The following KMT5A variants were observed in gnomAD, a reference collection of about 807,000 sequenced individuals.
The protein encoded by KMT5A is lysine methyltransferase 5A, also known as N-lysine methyltransferase KMT5A.
KMT5A carries 6 observed loss-of-function variants against 40.6 expected under a neutral mutation model. The ratio of observed to expected loss-of-function variants is 0.15; its 90% CI spans 0.08 to 0.29. KMT5A has a LOEUF of 0.29. Among genes scored for constraint, KMT5A ranks in the 10% least tolerant of loss-of-function variants. The pLI, the probability that KMT5A is intolerant of heterozygous loss-of-function variation, is 1.00. For missense variants in KMT5A, 308 were observed against 459.1 expected (o/e 0.67, Z 3.01); for synonymous variants, 153 against 178.8 (o/e 0.86, Z 1.15).
intron 5 of KMT5A, among the ~76,000 whole-genome samples, chr12:123,402,358 C>T (rs1295768187): frequency 1.3e-5 from 2 of 152,202 alleles, no homozygotes; most frequent in Non-Finnish European, 2.9e-5. Flanking sequence ...TTGGGACTGT[C>T]CTTGAGGTTA....
rs77597057 is a variant in KMT5A at position 123,397,137 on chromosome 12, C to T, written c.597+705C>T. Among the ~76,000 whole-genome samples, 356 of 152,382 alleles carry T rather than the reference C, an allele frequency of 2.3e-3. 2 individuals are homozygous for T. Among genetic ancestry groups the T allele is most frequent in the African/African-American group, 8.2e-3 (339 of 41,590 alleles). Reference sequence around the variant, plus strand: ...GAGCCTGCAGACCAGTGAGCAGCACCGGCTGGAAGGCCAGCTGGCCTATGC... The same window carrying T: ...GAGCCTGCAGACCAGTGAGCAGCACTGGCTGGAAGGCCAGCTGGCCTATGC... On this transcript the variant is annotated intron_variant, in intron 5 of 7. Coordinates refer to ENST00000402868, the MANE Select transcript of KMT5A (RefSeq NM_020382.7).
rs1593451224 is a variant in KMT5A at position 123,386,113 on chromosome 12, T to C, written c.10+1905T>C. On this transcript the variant is annotated intron_variant, in intron 1 of 7. Coordinates refer to ENST00000402868, the MANE Select transcript of KMT5A (RefSeq NM_020382.7). ...AATCACCTATGTAATTATTAGTTAT[T>C]GATTCTCACTGTCTCACTTGACCCC... Among the ~76,000 whole-genome samples, 3 of 152,186 alleles carry C rather than the reference T, an allele frequency of 2.0e-5. No individual in the cohort carries two copies. The East Asian group carries it at 5.8e-4, about 29-fold the overall frequency.
At chr12:123,390,488 C>A in intron 2 of KMT5A, 142 bp from the exon 3 acceptor site, 1 of 985,372 alleles carries the variant, frequency 1.0e-6, no homozygotes, top group Non-Finnish European at 1.5e-6. Context: ...TCTCCTGAGA[C>A]AATGGGGGCT....
chr12:123,384,747 C>T lies in KMT5A; in HGVS notation c.10+539C>T, dbSNP rs1415024167. Among the ~76,000 whole-genome samples the T allele has an allele frequency of 6.6e-6, 1 of 152,246 alleles. No individual in the cohort carries two copies. Among genetic ancestry groups the T allele is most frequent in the African/African-American group, 2.4e-5 (1 of 41,454 alleles). ...GCGCCGCTGGAGCGAAGGCCGGGCC[C>T]CGCTGGCCCACTTTGGGGTAAAACG... On this transcript the variant is annotated intron_variant, in intron 1 of 7. Coordinates refer to ENST00000402868, the MANE Select transcript of KMT5A (RefSeq NM_020382.7). The surrounding 1 kb of genome is among the most constrained non-coding windows in gnomAD (Gnocchi z 5.7).
At chr12:123,403,670 C>T in intron 6 of KMT5A, 38 bp downstream of exon 6, 1 of 1,612,934 alleles carries the variant, frequency 6.2e-7, no homozygotes, top group Non-Finnish European at 8.5e-7. Flanking sequence ...ATAGCTAAAG[C>T]TGGAAGAGCT....
intron 3 of KMT5A, among the ~76,000 whole-genome samples, chr12:123,394,466 C>T (rs1442119200): frequency 2.0e-5 from 3 of 152,148 alleles, no homozygotes; most frequent in Non-Finnish European, 4.4e-5. Flanking sequence ...CCAACACTGT[C>T]ACTCCACAAG....
chr12:123,405,602 C>T (rs1488057715), intron 7 of KMT5A, among the ~76,000 whole-genome samples: 1 of 149,508 alleles, frequency 6.7e-6, no homozygotes, highest in East Asian at 2.0e-4. Flanking sequence ...TCACTGCAAC[C>T]TCCACCTCCC....
Position 123,393,919 on chromosome 12 carries a change from C to T in KMT5A, c.290-1128C>T, listed in dbSNP as rs187668157. 3.7e-4 allele frequency among the ~76,000 whole-genome samples: 56 copies of T among 152,112 alleles called. 1 individual carries two copies. The highest frequency in any genetic ancestry group is 2.6e-4 in the Non-Finnish European group (18 of 67,990). On this transcript the variant is annotated intron_variant, in intron 3 of 7. Transcript: ENST00000402868. Reference sequence around the variant, plus strand: ...TTTGGCTATTACAAATAAACTGTTACGTTCCTGCATAGATTTTTTTGGGGA... The same window carrying T: ...TTTGGCTATTACAAATAAACTGTTATGTTCCTGCATAGATTTTTTTGGGGA...
At chr12:123,394,059 CATTTTAT>C (rs1229602633) in intron 3 of KMT5A, among the ~76,000 whole-genome samples, 17 of 150,672 alleles carry the variant, frequency 1.1e-4, no homozygotes, top group African/African-American at 4.1e-4. Context: ...GTGGCTGCAC[CATTTTAT>C]ATCTGTGAGC....
intron 5 of KMT5A, among the ~76,000 whole-genome samples, chr12:123,403,324 C>T (rs2139200891): frequency 6.6e-6 from 1 of 152,322 alleles, no homozygotes; most frequent in Middle Eastern, 3.4e-3. Flanking sequence ...GTTCTTGGGT[C>T]CCCACTGTTT....
At chr12:123,386,458 T>TG (rs1876879231) in intron 1 of KMT5A, among the ~76,000 whole-genome samples, 1 of 152,128 alleles carries the variant, frequency 6.6e-6, no homozygotes. Context: ...TCAGGTTATC[T>TG]GCCCACCTCG....
At chr12:123,400,509 T>A (rs757999030) in intron 5 of KMT5A, among the ~76,000 whole-genome samples, 3 of 151,590 alleles carry the variant, frequency 2.0e-5, no homozygotes, top group Non-Finnish European at 4.4e-5. Context: ...TATAGGCGCT[T>A]GCCACCACGC....
At chr12:123,387,221 A>T (rs1416115726) in intron 1 of KMT5A, among the ~76,000 whole-genome samples, 1 of 152,150 alleles carries the variant, frequency 6.6e-6, no homozygotes, top group Admixed American at 6.6e-5. Context: ...ACATTGAATG[A>T]TCTGTATTTA....
At chr12:123,391,780 A>C (rs1877335496) in intron 3 of KMT5A, among the ~76,000 whole-genome samples, 1 of 152,236 alleles carries the variant, frequency 6.6e-6, no homozygotes, top group Non-Finnish European at 1.5e-5. Context: ...GGCTGCCAGC[A>C]GCTCCATACA....
At chr12:123,399,850 GTC>G (rs1878014801) in intron 5 of KMT5A, among the ~76,000 whole-genome samples, 1 of 152,050 alleles carries the variant, frequency 6.6e-6, no homozygotes, top group African/African-American at 2.4e-5. Flanking sequence ...TCGAGACAGA[GTC>G]TCACACTGTC....
intron 5 of KMT5A, among the ~76,000 whole-genome samples, chr12:123,398,917 C>G (rs938686080): frequency 2.0e-5 from 3 of 152,246 alleles, no homozygotes; most frequent in African/African-American, 4.8e-5. Context: ...TTCAGAGCCT[C>G]TTATATACCT....
At chr12:123,386,693 A>G (rs1052472713) in intron 1 of KMT5A, among the ~76,000 whole-genome samples, 3 of 152,028 alleles carry the variant, frequency 2.0e-5, no homozygotes, top group Non-Finnish European at 4.4e-5. Flanking sequence ...TAATCATGCA[A>G]ATATTTACAA....
chr12:123,405,152 T>G (rs570497028), intron 7 of KMT5A, 78 bp downstream of exon 7: 2 of 1,374,254 alleles, frequency 1.5e-6, no homozygotes, highest in Non-Finnish European at 1.9e-6. Context: ...GAACTCCTGA[T>G]TCTGTTTGGT....
intron 2 of KMT5A, chr12:123,389,938 G>A (rs947296745): frequency 2.4e-6 from 1 of 408,224 alleles, no homozygotes; most frequent in African/African-American, 2.1e-5. Context: ...TTACTCAGAG[G>A]AGGGGCCCCA....
Sources: gnomAD v4.1 joint callset for allele counts (sites outside exome capture counted in the v4.1 genomes callset) on GRCh38, gnomAD v4.1.1 for gene constraint, Gnocchi (gnomAD v3.1) non-coding constraint, MANE v1.5 for transcripts, NCBI Gene and HGNC (gene_info 2026-07-23, HGNC 2026-07-21) for gene names.